Variants in SLC25A13 observed in about 807,000 individuals in gnomAD.
SLC25A13 encodes solute carrier family 25 member 13.
In SLC25A13, 70 loss-of-function variants were observed where a neutral mutation model predicts 85.5. The ratio of observed to expected loss-of-function variants is 0.82; its 90% CI spans 0.68 to 1.00. The LOEUF (loss-of-function observed/expected upper bound fraction) is 1.00. SLC25A13 is among the 50% of genes least tolerant of loss of function. The pLI is 0.00. For missense variants in SLC25A13, 765 were observed against 819.8 expected (o/e 0.93, Z 0.82); for synonymous variants, 259 against 288.7 (o/e 0.90, Z 1.04).
At chr7:96,268,338 A>G (rs771193260) in intron 3 of SLC25A13, among the ~76,000 whole-genome samples, 3 of 152,240 alleles carry the variant, frequency 2.0e-5, no homozygotes, top group African/African-American at 4.8e-5. Flanking sequence ...GAAGATATAC[A>G]AAGCTTTATT....
intron 14 of SLC25A13, among the ~76,000 whole-genome samples, chr7:96,145,993 T>C (rs958538081): frequency 2.6e-5 from 4 of 152,194 alleles, no homozygotes; most frequent in Non-Finnish European, 1.5e-5. Context: ...GCCTTATAGG[T>C]TGGCATATAG....
At chr7:96,301,795 A>C (rs1799558026) in intron 1 of SLC25A13, among the ~76,000 whole-genome samples, 1 of 151,928 alleles carries the variant, frequency 6.6e-6, no homozygotes, top group African/African-American at 2.4e-5. Context: ...GGCCCCACTA[A>C]TTTTTTAATT....
At chr7:96,280,464 C>T (rs1225565477) in intron 2 of SLC25A13, among the ~76,000 whole-genome samples, 6 of 152,082 alleles carry the variant, frequency 3.9e-5, no homozygotes, top group African/African-American at 1.4e-4. Context: ...GCCTGTCATC[C>T]CAGCACTTTG....
intron 2 of SLC25A13, among the ~76,000 whole-genome samples, chr7:96,279,816 G>A (rs899487804): frequency 6.6e-6 from 1 of 152,120 alleles, no homozygotes; most frequent in Admixed American, 6.5e-5. Context: ...TCTAAGGTAA[G>A]AATCCCCCAA....
At chr7:96,289,689 CGAGAA>C (rs981516534) in intron 2 of SLC25A13, among the ~76,000 whole-genome samples, 2 of 151,684 alleles carry the variant, frequency 1.3e-5, no homozygotes, top group African/African-American at 4.8e-5. Context: ...TGAAATGAAG[CGAGAA>C]GAGAAGTTTA....
chr7:96,146,770 T>C, intron 13 of SLC25A13, 74 bp from the exon 14 acceptor site: 3 of 1,504,626 alleles, frequency 2.0e-6, no homozygotes, highest in Non-Finnish European at 2.8e-6. Flanking sequence ...TGAATGATTA[T>C]TCTCAAGGAT....
chr7:96,190,394 T>C (rs1794801327), intron 7 of SLC25A13, among the ~76,000 whole-genome samples: 1 of 151,692 alleles, frequency 6.6e-6, no homozygotes, highest in South Asian at 2.1e-4. Context: ...CCGGCTCTGA[T>C]TTTTTTTCTT....
At position 96,316,049 on chromosome 7, in the gene SLC25A13, A is replaced by C. The variant is rs140097512; in HGVS notation, c.15+5893T>G. On this transcript the variant is annotated intron_variant, in intron 1 of 17. Transcript: ENST00000265631. ...TGCGGTGGGAGGATCTCTTGTATCC[A>C]CGAGGTCTAGGCTAGAGTGAGCAAT... Among the ~76,000 whole-genome samples, 969 of 152,124 alleles carry C rather than the reference A, an allele frequency of 6.4e-3. 17 individuals carry two copies. Among genetic ancestry groups the C allele is most frequent in the African/African-American group, 0.023 (937 of 41,496 alleles).
At chr7:96,184,061 A>G (rs2116628169) in intron 11 of SLC25A13, among the ~76,000 whole-genome samples, 1 of 152,322 alleles carries the variant, frequency 6.6e-6, no homozygotes, top group South Asian at 2.1e-4. Flanking sequence ...GAAATAAAAC[A>G]TACAACAGAG....
At chr7:96,130,561 T>G (rs114985699) in intron 15 of SLC25A13, among the ~76,000 whole-genome samples, 2,211 of 152,314 alleles carry the variant, frequency 0.015, 54 homozygotes, top group African/African-American at 0.05. Context: ...TCTCATTAGG[T>G]CCTACCTTAT....
At chr7:96,264,619 A>T (rs1294519779) in intron 3 of SLC25A13, among the ~76,000 whole-genome samples, 1 of 152,238 alleles carries the variant, frequency 6.6e-6, no homozygotes, top group African/African-American at 2.4e-5. Context: ...CCATACTAGA[A>T]ATTAAAATTG....
intron 14 of SLC25A13, among the ~76,000 whole-genome samples, chr7:96,140,403 T>TA (rs1792486156): frequency 7.5e-6 from 1 of 134,132 alleles, no homozygotes; most frequent in South Asian, 2.6e-4. Context: ...TCTCCTTTTT[T>TA]TTTTTTTTTT....
chr7:96,182,770 C>G lies in SLC25A13; in HGVS notation c.1177+1507G>C, dbSNP rs368908607. 4.6e-5 allele frequency among the ~76,000 whole-genome samples: 7 copies of G among 152,302 alleles called. No individual in the cohort carries two copies. In the South Asian group the frequency reaches 1.4e-3, roughly 32 times the overall value. ...AAAAGGACTCAAAATAAAAAATCAA[C>G]TTAAGCAAATTAAAGACACTGAGCA... On this transcript the variant is annotated intron_variant, in intron 11 of 17. Coordinates refer to ENST00000265631, the MANE Select transcript of SLC25A13 (RefSeq NM_014251.3).
At chr7:96,128,151 G>A (rs1372630451) in intron 15 of SLC25A13, among the ~76,000 whole-genome samples, 2 of 152,024 alleles carry the variant, frequency 1.3e-5, no homozygotes, top group Non-Finnish European at 2.9e-5. Context: ...GATTTTTTAT[G>A]TTTATTTTAT....
chr7:96,255,452 A>G (rs983399665), intron 3 of SLC25A13, among the ~76,000 whole-genome samples: 1 of 152,226 alleles, frequency 6.6e-6, no homozygotes, highest in African/African-American at 2.4e-5. Context: ...TTGGGAGGCC[A>G]ATGTGGCGGG....
intron 4 of SLC25A13, among the ~76,000 whole-genome samples, chr7:96,225,756 T>C (rs998057448): frequency 1.3e-5 from 2 of 152,160 alleles, no homozygotes; most frequent in African/African-American, 4.8e-5. Flanking sequence ...GTCACTCCTC[T>C]AGATCTGCTC....
At chr7:96,255,254 T>C (rs1384346749) in intron 3 of SLC25A13, among the ~76,000 whole-genome samples, 4 of 152,256 alleles carry the variant, frequency 2.6e-5, no homozygotes, top group African/African-American at 4.8e-5. Flanking sequence ...ACTGTGAATG[T>C]TGCTGGTAAC....
rs146033820 is a variant in SLC25A13, at chr7:96,200,292, G to A, written c.469-7109C>T. On this transcript the variant is annotated intron_variant, in intron 5 of 17. Transcript: ENST00000265631. ...ACAGGAAACAAAAATGTAGAAAGACGATTTGCCTAAAAAATACCATATCAC... is the reference window on the plus strand; with the variant it reads ...ACAGGAAACAAAAATGTAGAAAGACAATTTGCCTAAAAAATACCATATCAC... Among the ~76,000 whole-genome samples, 41 of 152,116 alleles carry A rather than the reference G, an allele frequency of 2.7e-4. No individual in the cohort carries two copies. The East Asian group carries it at 5.8e-3, about 21-fold the overall frequency.
intron 4 of SLC25A13, among the ~76,000 whole-genome samples, chr7:96,230,142 G>A (rs1248074824): frequency 6.6e-6 from 1 of 152,122 alleles, no homozygotes; most frequent in Non-Finnish European, 1.5e-5. Context: ...GTCACATAAT[G>A]GAATTCAATA....
Sources: allele counts gnomAD v4.1 joint callset (sites outside exome capture counted in the v4.1 genomes callset), GRCh38; gene constraint gnomAD v4.1.1; transcripts MANE v1.5; gene names NCBI Gene and HGNC (gene_info 2026-07-23, HGNC 2026-07-21).